Variants in KCNC2 observed in about 807,000 individuals in gnomAD.
The protein encoded by KCNC2 is voltage-gated potassium channel KCNC2.
A neutral mutation model predicts 44.5 loss-of-function variants in KCNC2; 21 were observed. That is an observed-to-expected ratio of 0.47 (90% CI 0.33 to 0.68). The LOEUF is 0.68. Among genes scored for constraint, KCNC2 ranks in the 30% least tolerant of loss-of-function variants. KCNC2 has a pLI of 0.01. For missense variants in KCNC2, 589 were observed against 826.2 expected (o/e 0.71, Z 3.52); for synonymous variants, 391 against 339.1 (o/e 1.15, Z -1.68).
chr12:75,072,876 T>C (rs1050895304), intron 2 of KCNC2, among the ~76,000 whole-genome samples: 2 of 152,192 alleles, frequency 1.3e-5, no homozygotes, highest in African/African-American at 4.8e-5. Flanking sequence ...CAAATAAATA[T>C]AACTTGCCAA....
At chr12:75,102,782 A>G (rs1341108274) in intron 2 of KCNC2, among the ~76,000 whole-genome samples, 1 of 152,064 alleles carries the variant, frequency 6.6e-6, no homozygotes, top group Admixed American at 6.6e-5. Flanking sequence ...TGGGCTTTAG[A>G]GAGTGCCACT....
chr12:75,063,549 C>G (rs1882544971), intron 2 of KCNC2, among the ~76,000 whole-genome samples: 1 of 151,954 alleles, frequency 6.6e-6, no homozygotes, highest in Non-Finnish European at 1.5e-5. Flanking sequence ...ATGAGAGAAG[C>G]AGGGCAGTGA....
At chr12:75,059,744 A>T (rs1034998067) in intron 2 of KCNC2, among the ~76,000 whole-genome samples, 1 of 152,144 alleles carries the variant, frequency 6.6e-6, no homozygotes, top group African/African-American at 2.4e-5. Context: ...GCTTTACTAG[A>T]TTATAAAATA....
Position 75,164,103 on chromosome 12 carries a change from A to C in KCNC2, c.687+43194T>G, listed in dbSNP as rs567780809. 2.6e-5 allele frequency among the ~76,000 whole-genome samples: 4 copies of C among 151,834 alleles called. No individual in the cohort carries two copies. In the East Asian group the frequency reaches 5.9e-4, roughly 22 times the overall value. On this transcript the variant is annotated intron_variant, in intron 2 of 4. Transcript: ENST00000549446. ...ATACATGACTTAAGCTCCCTGTTCC[A>C]TGACTAGTTTCAAGTTGGTCATTTG...
At chr12:75,114,654 T>G (rs899985999) in intron 2 of KCNC2, among the ~76,000 whole-genome samples, 1 of 152,088 alleles carries the variant, frequency 6.6e-6, no homozygotes, top group African/African-American at 2.4e-5. Flanking sequence ...GCCTGAGTGA[T>G]GTAAGGAACT....
At chr12:75,115,259 T>G (rs745915121) in intron 2 of KCNC2, among the ~76,000 whole-genome samples, 1 of 152,198 alleles carries the variant, frequency 6.6e-6, no homozygotes, top group Non-Finnish European at 1.5e-5. Flanking sequence ...CTGATACTTA[T>G]GAAACTTCTA....
intron 2 of KCNC2, among the ~76,000 whole-genome samples, chr12:75,141,979 G>A (rs1412185270): frequency 6.6e-6 from 1 of 152,124 alleles, no homozygotes; most frequent in Non-Finnish European, 1.5e-5. Context: ...TATAAATGAG[G>A]AAATTAGGTC....
At position 75,041,064 on chromosome 12, in the gene KCNC2, G is replaced by A. The variant is rs376897370; in HGVS notation, c.*2041C>T. On this transcript the variant is annotated 3_prime_UTR_variant, in exon 5 of 5. Transcript: ENST00000549446. ...TAAGCTTTAAGTGCCTCATGAAGAC[G>A]CGAGGATCTCTTCCAAGTGCAACCT... 142 of 1,537,684 alleles carry A rather than the reference G, an allele frequency of 9.2e-5. 3 individuals carry two copies. In the South Asian group the frequency reaches 1.4e-3, roughly 15 times the overall value.
chr12:75,177,810 G>A (rs1256538423), intron 2 of KCNC2, among the ~76,000 whole-genome samples: 2 of 151,860 alleles, frequency 1.3e-5, no homozygotes, highest in African/African-American at 4.8e-5. Flanking sequence ...GGACCAATCA[G>A]GCCTACCATT....
chr12:75,049,921 ATTC>A (rs1227679679), intron 3 of KCNC2, among the ~76,000 whole-genome samples: 1 of 152,106 alleles, frequency 6.6e-6, no homozygotes. Flanking sequence ...GTAAGCATCC[ATTC>A]TTCTTAAATA....
At chr12:75,088,803 A>T (rs1019898330) in intron 2 of KCNC2, among the ~76,000 whole-genome samples, 12 of 152,016 alleles carry the variant, frequency 7.9e-5, no homozygotes, top group Non-Finnish European at 1.6e-4. Context: ...TAAATTGATG[A>T]GAAATGCTGT....
At chr12:75,112,553 T>C (rs1186875441) in intron 2 of KCNC2, among the ~76,000 whole-genome samples, 2 of 152,060 alleles carry the variant, frequency 1.3e-5, no homozygotes, top group Non-Finnish European at 2.9e-5. Flanking sequence ...TTTACTTATT[T>C]ATCTGATCCA....
chr12:75,121,466 G>T (rs150773764), intron 2 of KCNC2, among the ~76,000 whole-genome samples: 37 of 152,304 alleles, frequency 2.4e-4, no homozygotes, highest in African/African-American at 8.2e-4. Context: ...ACTAGAAAAT[G>T]TAAGTTTTCA....
At chr12:75,134,521 A>T (rs1889090831) in intron 2 of KCNC2, among the ~76,000 whole-genome samples, 1 of 151,848 alleles carries the variant, frequency 6.6e-6, no homozygotes, top group Non-Finnish European at 1.5e-5. Context: ...AAATTGATTA[A>T]GTGTGTAAGT....
chr12:75,157,364 G>A, intron 2 of KCNC2, among the ~76,000 whole-genome samples: 1 of 151,844 alleles, frequency 6.6e-6, no homozygotes. Context: ...AAGAATCACA[G>A]AAACCTAAGC....
At chr12:75,205,512 C>A (rs2031613001) in intron 2 of KCNC2, among the ~76,000 whole-genome samples, 1 of 152,224 alleles carries the variant, frequency 6.6e-6, no homozygotes, top group South Asian at 2.1e-4. Flanking sequence ...GATCAATAAA[C>A]TATAGAATCA....
In KCNC2 at chr12:75,042,873, T is replaced by C; in HGVS notation, c.*232A>G. 2 of 1,320,644 alleles carry C rather than the reference T, an allele frequency of 1.5e-6. No homozygotes were observed. Among genetic ancestry groups the C allele is most frequent in the Non-Finnish European group, 1.9e-6 (2 of 1,036,972 alleles). 81.8% of individuals were successfully genotyped at this position (1,320,644 alleles called of 1,614,324 possible). A position where few individuals can be genotyped will look rare whatever the true frequency, so the allele number is the denominator to read the frequency against. ...TCTGTCATTTTATTGCAAAAGGATA[T>C]CAGGGCAATTAATAGGAGGGATCTT... On this transcript the variant is annotated 3_prime_UTR_variant, in exon 5 of 5. Transcript: ENST00000549446.
At chr12:75,052,822 C>T (rs1881324251) in intron 2 of KCNC2, among the ~76,000 whole-genome samples, 1 of 152,084 alleles carries the variant, frequency 6.6e-6, no homozygotes, top group Admixed American at 6.6e-5. Context: ...TAAAGAACCA[C>T]CTCAAATTAT....
intron 2 of KCNC2, among the ~76,000 whole-genome samples, chr12:75,129,636 A>G (rs1888687592): frequency 6.6e-6 from 1 of 152,162 alleles, no homozygotes; most frequent in African/African-American, 2.4e-5. Flanking sequence ...TGAGATGAGA[A>G]AGTAGAAACT....
Sources: allele counts gnomAD v4.1 joint callset (sites outside exome capture counted in the v4.1 genomes callset), GRCh38; gene constraint gnomAD v4.1.1; transcripts MANE v1.5; gene names NCBI Gene and HGNC (gene_info 2026-07-23, HGNC 2026-07-21).